PPP2R2B: variants seen among roughly 807,000 people sequenced by gnomAD.
PPP2R2B encodes the protein protein phosphatase 2 regulatory subunit Bbeta.
Under a neutral mutation model 46.0 loss-of-function variants are expected in PPP2R2B, and 5 were observed. That is an observed-to-expected ratio of 0.11 (90% CI 0.06 to 0.23). The LOEUF (loss-of-function observed/expected upper bound fraction) is 0.23. PPP2R2B is among the 10% of genes least tolerant of loss of function. The pLI is 1.00. For missense variants in PPP2R2B, 367 were observed against 575.0 expected, an observed-to-expected ratio of 0.64 and a Z score of 3.70; for synonymous variants, 215 against 206.7, an observed-to-expected ratio of 1.04 and a Z score of -0.34.
chr5:146,632,778 TG>T (rs1194493684), intron 7 of PPP2R2B, among the ~76,000 whole-genome samples: 1 of 151,924 alleles, frequency 6.6e-6, no homozygotes, highest in African/African-American at 2.4e-5. Flanking sequence ...GTAGAGTGTG[TG>T]GGGGGCAGGG....
chr5:146,872,179 G>A (rs1042114228), intron 2 of PPP2R2B, among the ~76,000 whole-genome samples: 5 of 152,270 alleles, frequency 3.3e-5, no homozygotes, highest in Non-Finnish European at 5.9e-5. Flanking sequence ...CACTCATAAA[G>A]GGCTTGGGAT....
At chr5:146,682,584 G>A (rs887857429) in intron 5 of PPP2R2B, among the ~76,000 whole-genome samples, 2 of 152,262 alleles carry the variant, frequency 1.3e-5, no homozygotes, top group East Asian at 3.9e-4. Flanking sequence ...TCTGCAAAAT[G>A]GGAATAACAG....
chr5:146,974,039 G>T (rs1752781118), intron 1 of PPP2R2B, among the ~76,000 whole-genome samples: 1 of 152,140 alleles, frequency 6.6e-6, no homozygotes, highest in African/African-American at 2.4e-5. Context: ...TTATTGATTT[G>T]TTTTTTCTAG....
intron 2 of PPP2R2B, among the ~76,000 whole-genome samples, chr5:146,857,537 A>G (rs1760745423): frequency 6.6e-6 from 1 of 152,204 alleles, no homozygotes. Context: ...CCAACCTAAC[A>G]GATTATTTAA....
At position 147,061,549 on chromosome 5, in the gene PPP2R2B, C is replaced by T. The variant is rs189829153; in HGVS notation, c.50+19510G>A. On this transcript the variant is annotated intron_variant, in intron 2 of 10. Coordinates refer to the PPP2R2B transcript ENST00000394413. The stretch of plus-strand genomic sequence containing the variant: ...CAGGGACACAGGGTATGTTGTCTTT[C>T]TCGCTCATTGCATCCCTTAGACCTA... 2.5e-4 allele frequency among the ~76,000 whole-genome samples: 38 copies of T among 152,288 alleles called. No individual in the cohort carries two copies. The East Asian group carries it at 5.6e-3, about 22-fold the overall frequency.
chr5:146,861,054 CTTT>C (rs1211197915), intron 2 of PPP2R2B, among the ~76,000 whole-genome samples: 1 of 101,714 alleles, frequency 9.8e-6, no homozygotes. Context: ...TGAATTTTTT[CTTT>C]TTTTTTTTTT....
chr5:147,055,556 T>C, intron 1 of PPP2R2B: 1 of 945,886 alleles, frequency 1.1e-6, no homozygotes, highest in South Asian at 1.4e-5. Context: ...TTGCCAGGAA[T>C]GACAGTCACC....
Position 146,701,053 on chromosome 5 carries a change from C to T in PPP2R2B, c.160G>A (p.Glu54Lys). 6.2e-7 allele frequency: 1 copy of T among 1,611,690 alleles called. No homozygotes were observed. The highest frequency in any genetic ancestry group is 8.5e-7 in the Non-Finnish European group (1 of 1,177,780). Residue 54 changes from glutamate (E) to lysine (K), a missense_variant, in exon 3 of 10, where the codon GAG becomes AAG. Physicochemically the swap from Glu to Lys is moderately conservative, Grantham distance 56. Coordinates refer to ENST00000394411, the MANE Select transcript of PPP2R2B (RefSeq NM_181675.4). Reference sequence around the variant, plus strand: ...CATTCACCACCACTTACCTCCTGCTCTCGTTGAAATATTACAACCCGACCC... The same window carrying T: ...CATTCACCACCACTTACCTCCTGCTTTCGTTGAAATATTACAACCCGACCC... ...KGGRVVIFQR[E>K]QESKNQVHRR...
intron 2 of PPP2R2B, among the ~76,000 whole-genome samples, chr5:146,827,025 T>G (rs943698624): frequency 6.6e-6 from 1 of 152,222 alleles, no homozygotes; most frequent in Non-Finnish European, 1.5e-5. Flanking sequence ...TTACATTTTA[T>G]TGAAACTGCT....
intron 2 of PPP2R2B, 124 bp from the exon 3 acceptor site, chr5:146,701,266 G>A (rs904210575): frequency 1.1e-6 from 1 of 933,820 alleles, no homozygotes; most frequent in Non-Finnish European, 1.8e-6. Context: ...GAATTTACAA[G>A]GATGTTATGT....
intron 6 of PPP2R2B, among the ~76,000 whole-genome samples, chr5:146,648,322 G>A (rs1175859909): frequency 2.0e-5 from 3 of 152,106 alleles, no homozygotes; most frequent in African/African-American, 4.8e-5. Context: ...CCTGCTGATG[G>A]GGATCATCAA....
At chr5:146,600,702 C>A (rs1457798200) in intron 7 of PPP2R2B, among the ~76,000 whole-genome samples, 2 of 152,166 alleles carry the variant, frequency 1.3e-5, no homozygotes, top group African/African-American at 4.8e-5. Flanking sequence ...ATAGATCTGG[C>A]ACTGACAGAT....
intron 5 of PPP2R2B, among the ~76,000 whole-genome samples, chr5:146,667,371 CAA>C: frequency 6.7e-6 from 1 of 149,476 alleles, no homozygotes; most frequent in South Asian, 2.1e-4. Context: ...CACACACACA[CAA>C]AGGAGATAAA....
chr5:147,006,426 T>C (rs905242768), intron 1 of PPP2R2B, among the ~76,000 whole-genome samples: 4 of 152,134 alleles, frequency 2.6e-5, no homozygotes, highest in Non-Finnish European at 5.9e-5. Flanking sequence ...AAGTTAACGG[T>C]GTAACATGTA....
At chr5:146,884,048 A>G (rs919241950) in intron 1 of PPP2R2B, among the ~76,000 whole-genome samples, 2 of 148,884 alleles carry the variant, frequency 1.3e-5, no homozygotes, top group African/African-American at 2.5e-5. Context: ...TAGGATATTT[A>G]TATCACAGAA....
rs889737710 is a variant in PPP2R2B, at chr5:146,581,887, A to G, written c.*8060T>C. On this transcript the variant is annotated 3_prime_UTR_variant, in exon 10 of 10. Transcript: ENST00000394411. Reference sequence around the variant, plus strand: ...ATGAAATATGACTTTCAATTATGCCACAGTCAGAGAAGCTGAAATAAGAAA... The same window carrying G: ...ATGAAATATGACTTTCAATTATGCCGCAGTCAGAGAAGCTGAAATAAGAAA... The G allele has an allele frequency of 6.6e-6, 1 of 152,244 alleles. No individual in the cohort carries two copies. The highest frequency in any genetic ancestry group is 1.5e-5 in the Non-Finnish European group (1 of 68,042). The allele number at this position is 152,244 out of a possible 1,614,324, so 9.4% of individuals were successfully genotyped here.
intron 2 of PPP2R2B, among the ~76,000 whole-genome samples, chr5:146,708,044 A>G (rs984193616): frequency 6.6e-6 from 1 of 152,158 alleles, no homozygotes; most frequent in Non-Finnish European, 1.5e-5. Context: ...GCAGCTTTAA[A>G]ACTTTTTAAA....
At chr5:146,993,511 G>C (rs1204077918) in intron 1 of PPP2R2B, among the ~76,000 whole-genome samples, 1 of 152,162 alleles carries the variant, frequency 6.6e-6, no homozygotes, top group Non-Finnish European at 1.5e-5. Flanking sequence ...CAAAGTGCTG[G>C]GATTACAGGT....
Position 146,704,234 on chromosome 5 carries a change from T to C in PPP2R2B, c.71-3092A>G, listed in dbSNP as rs570648541. Among the ~76,000 whole-genome samples the C allele has an allele frequency of 5.9e-5, 9 of 152,316 alleles. No individual in the cohort carries two copies. The East Asian group carries it at 1.5e-3, about 26-fold the overall frequency. Reference sequence around the variant, plus strand: ...CTGAAACTTCTGATACAAATACTCTTGTGTTTGCAGCATGCTCTTTGGTAA... The same window carrying C: ...CTGAAACTTCTGATACAAATACTCTCGTGTTTGCAGCATGCTCTTTGGTAA... On this transcript the variant is annotated intron_variant, in intron 2 of 9. Transcript: ENST00000394411.
Sources: allele counts gnomAD v4.1 joint callset (sites outside exome capture counted in the v4.1 genomes callset), GRCh38; gene constraint gnomAD v4.1.1; transcripts MANE v1.5; gene names NCBI Gene and HGNC (gene_info 2026-07-23, HGNC 2026-07-21).